The following ANK2 variants were observed in gnomAD, a reference collection of about 807,000 sequenced individuals.
ANK2 encodes ankyrin-2.
Under a neutral mutation model 360.5 loss-of-function variants are expected in ANK2, and 83 were observed. The ratio of observed to expected loss-of-function variants is 0.23; its 90% CI spans 0.19 to 0.28. The LOEUF is 0.28. Ranked by LOEUF, ANK2 falls within the 10% of genes least tolerant of loss-of-function variation. The pLI, the probability that ANK2 is intolerant of heterozygous loss-of-function variation, is 1.00. For missense variants in ANK2, 4,201 were observed against 4,795.7 expected (o/e 0.88, Z 3.66); for synonymous variants, 1,740 against 1,759.5 (o/e 0.99, Z 0.28).
intron 2 of ANK2, among the ~76,000 whole-genome samples, chr4:112,926,862 C>T (rs771289287): frequency 1.1e-4 from 17 of 152,166 alleles, no homozygotes; most frequent in Non-Finnish European, 2.2e-4. Context: ...TCCATTCTCA[C>T]GCTGCTCTAA....
chr4:113,083,807 AAT>A (rs1401709225), intron 1 of ANK2, among the ~76,000 whole-genome samples: 1 of 152,206 alleles, frequency 6.6e-6, no homozygotes, highest in African/African-American at 2.4e-5. Flanking sequence ...TGAATCAATT[AAT>A]AGAGTTTTTT....
chr4:112,800,949 C>A, the ANK2 span, among the ~76,000 whole-genome samples: 3 of 152,276 alleles, frequency 2.0e-5, no homozygotes, highest in East Asian at 5.8e-4. Context: ...GCCACTGCAC[C>A]CGGCTGGCTT....
At chr4:113,345,366 T>A (rs796602663) in intron 34 of ANK2, among the ~76,000 whole-genome samples, 58 of 152,276 alleles carry the variant, frequency 3.8e-4, no homozygotes, top group African/African-American at 1.4e-3. Flanking sequence ...AAGTAATGAT[T>A]ATACAACTTT....
intron 32 of ANK2, among the ~76,000 whole-genome samples, chr4:113,339,525 G>A (rs1047470744): frequency 5.9e-5 from 9 of 152,168 alleles, no homozygotes; most frequent in South Asian, 2.1e-4. Context: ...TTACCAATCC[G>A]ATTAAAATCT....
At chr4:112,812,787 C>T in the ANK2 span, among the ~76,000 whole-genome samples, 1 of 152,140 alleles carries the variant, frequency 6.6e-6, no homozygotes, top group Non-Finnish European at 1.5e-5. Flanking sequence ...GATTCCTGTC[C>T]TTTGACACGA....
intron 1 of ANK2, among the ~76,000 whole-genome samples, chr4:113,111,019 T>C (rs2094234083): frequency 6.6e-6 from 1 of 152,136 alleles, no homozygotes; most frequent in Non-Finnish European, 1.5e-5. Flanking sequence ...ATTCATGGTC[T>C]ATAAAAAGTA....
chr4:113,224,618 A>C (rs1182566711), intron 4 of ANK2, among the ~76,000 whole-genome samples: 1 of 152,242 alleles, frequency 6.6e-6, no homozygotes, highest in Non-Finnish European at 1.5e-5. Context: ...AAATATATTT[A>C]ATAAGCTTAG....
chr4:112,749,697 T>C, the ANK2 span, among the ~76,000 whole-genome samples: 4 of 152,192 alleles, frequency 2.6e-5, no homozygotes. Context: ...AGATTTATCA[T>C]AGAACATAAC....
intron 2 of ANK2, among the ~76,000 whole-genome samples, chr4:112,986,071 CATAT>C (rs141770018): frequency 2.0e-5 from 2 of 101,586 alleles, no homozygotes; most frequent in African/African-American, 7.1e-5. Context: ...AATTATGATC[CATAT>C]ATATATATAT....
At chr4:113,089,805 C>A (rs623708) in intron 1 of ANK2, among the ~76,000 whole-genome samples, 33,343 of 151,820 alleles carry the variant, frequency 0.22, 4,095 homozygotes, top group East Asian at 0.59. Context: ...GCCTAGGTAA[C>A]AAGAGCGAAT....
chr4:112,781,833 T>TC, the ANK2 span, among the ~76,000 whole-genome samples: 1 of 148,330 alleles, frequency 6.7e-6, no homozygotes, highest in African/African-American at 2.5e-5. Flanking sequence ...CAGTATTTTT[T>TC]TTTTTTTTTT....
intron 45 of ANK2, among the ~76,000 whole-genome samples, chr4:113,377,679 T>C (rs906704688): frequency 3.9e-5 from 6 of 152,222 alleles, no homozygotes; most frequent in African/African-American, 9.6e-5. Context: ...TAAAATACTT[T>C]CAGTTTTCAC....
chr4:113,362,654 T>G (rs1355099327), intron 39 of ANK2, among the ~76,000 whole-genome samples: 2 of 152,198 alleles, frequency 1.3e-5, no homozygotes, highest in Non-Finnish European at 2.9e-5. Flanking sequence ...TTTTCTATGT[T>G]GCTCAGGCTA....
the ANK2 span, among the ~76,000 whole-genome samples, chr4:112,804,556 C>A: frequency 6.6e-6 from 1 of 152,042 alleles, no homozygotes; most frequent in Non-Finnish European, 1.5e-5. Flanking sequence ...ATTGAGGGAG[C>A]TTGTTATAGA....
At chr4:112,983,478 A>C (rs895154346) in intron 2 of ANK2, among the ~76,000 whole-genome samples, 1 of 151,960 alleles carries the variant, frequency 6.6e-6, no homozygotes, top group Non-Finnish European at 1.5e-5. Context: ...GGAGATCGAG[A>C]CCAGCCTGAC....
In ANK2 at chr4:113,089,460, A is replaced by G. The variant is rs528242149; in HGVS notation, c.84+39648A>G. On this transcript the variant is annotated intron_variant, in intron 1 of 45. Transcript: ENST00000357077. ...TGAAAACCTATAAATAGAGCCCTTT[A>G]TAATCTAAGATGTTACTATGATTTA... Among the ~76,000 whole-genome samples the G allele has an allele frequency of 2.0e-5, 3 of 152,340 alleles. No individual in the cohort carries two copies. The South Asian group carries it at 6.2e-4, about 32-fold the overall frequency.
chr4:112,723,362 T>A, the ANK2 span, among the ~76,000 whole-genome samples: 11 of 152,074 alleles, frequency 7.2e-5, no homozygotes, highest in African/African-American at 2.7e-4. Context: ...AGATTTTTTT[T>A]TGTGGGGGAA....
chr4:112,706,986 G>A, the ANK2 span, among the ~76,000 whole-genome samples: 1 of 152,302 alleles, frequency 6.6e-6, no homozygotes, highest in South Asian at 2.1e-4. Context: ...ACCATTGCCA[G>A]GAACTATAGC....
the ANK2 span, among the ~76,000 whole-genome samples, chr4:112,740,873 C>T: frequency 6.6e-6 from 1 of 152,072 alleles, no homozygotes; most frequent in African/African-American, 2.4e-5. Context: ...ACCCATAGTC[C>T]CTGCTACTCA....
Sources: gnomAD v4.1 joint callset for allele counts (sites outside exome capture counted in the v4.1 genomes callset) on GRCh38, gnomAD v4.1.1 for gene constraint, MANE v1.5 for transcripts, NCBI Gene and HGNC (gene_info 2026-07-23, HGNC 2026-07-21) for gene names.